FAT3: variants seen among roughly 807,000 people sequenced by gnomAD.
The protein encoded by FAT3 is FAT atypical cadherin 3.
FAT3 carries 95 observed loss-of-function variants against 310.2 expected under a neutral mutation model. The ratio of observed to expected loss-of-function variants is 0.31; its 90% confidence interval spans 0.26 to 0.36. FAT3 has a LOEUF of 0.36. Among genes scored for constraint, FAT3 ranks in the 10% least tolerant of loss-of-function variants. FAT3 has a pLI of 1.00. For missense variants in FAT3, 5,408 were observed against 5,715.6 expected (o/e 0.95, Z 1.74); for synonymous variants, 2,314 against 2,192.9 (o/e 1.06, Z -1.54).
At chr11:92,841,875 T>C (rs908889348) in intron 18 of FAT3, among the ~76,000 whole-genome samples, 3 of 152,210 alleles carry the variant, frequency 2.0e-5, no homozygotes, top group Non-Finnish European at 2.9e-5. Context: ...AGGAGCCTCC[T>C]GGGTGCTTCC....
intron 3 of FAT3, among the ~76,000 whole-genome samples, chr11:92,626,882 A>C (rs985134253): frequency 1.3e-5 from 2 of 152,072 alleles, no homozygotes; most frequent in African/African-American, 4.8e-5. Flanking sequence ...CTATGGAGGG[A>C]GCCCCCATCA....
Position 92,844,332 on chromosome 11 carries a change from T to C in FAT3, c.10965T>C (p.Asn3655=), listed in dbSNP as rs371264609. The change falls in exon 19 of 28, where the codon AAT becomes AAC. Residue 3655 remains asparagine (N), a synonymous_variant. Coordinates refer to ENST00000525166, the MANE Select transcript of FAT3 (RefSeq NM_001367949.2). ...ACACTGTCACCATCCGCTTTGAAAA[T>C]GTGTCCCCTGAGGACTTCGTGGGGC... The part of the protein sequence containing the change: ...LQNTVTIRFE[N]VSPEDFVGLH... 1.8e-5 allele frequency: 29 copies of C among 1,613,896 alleles called. No homozygotes were observed. The African/African-American group carries it at 3.6e-4, about 20-fold the overall frequency.
At chr11:92,292,451 T>C (rs1438750142) in intron 1 of FAT3, among the ~76,000 whole-genome samples, 1 of 152,058 alleles carries the variant, frequency 6.6e-6, no homozygotes, top group Non-Finnish European at 1.5e-5. Context: ...ACAGCTGCTT[T>C]TGTTTGTGAG....
rs540982346 is a variant in FAT3 at position 92,352,331 on chromosome 11, A to C, written c.219A>C (p.Ile73=). Residue 73 remains isoleucine, a synonymous_variant, in exon 2 of 28, where the codon ATA becomes ATC. Transcript: ENST00000525166. ...NSQSRMGITL[I]DLSWDIKYRI... ...AGAGTAGAATGGGCATCACCTTAATAGATCTATCCTGGGATATCAAATACA... is the reference window on the plus strand; with the variant it reads ...AGAGTAGAATGGGCATCACCTTAATCGATCTATCCTGGGATATCAAATACA... 1.3e-6 allele frequency: 2 copies of C among 1,568,022 alleles called. No individual in the cohort carries two copies. The highest frequency in any genetic ancestry group is 3.4e-5 in the Admixed American group (2 of 58,594).
chr11:92,820,074 A>G (rs1323973038), intron 13 of FAT3, among the ~76,000 whole-genome samples: 3 of 152,194 alleles, frequency 2.0e-5, no homozygotes, highest in African/African-American at 4.8e-5. Context: ...ATTAGGTTAT[A>G]AGAAGACTGT....
intron 1 of FAT3, among the ~76,000 whole-genome samples, chr11:92,337,735 G>T (rs1177115391): frequency 6.6e-6 from 1 of 152,222 alleles, no homozygotes; most frequent in African/African-American, 2.4e-5. Flanking sequence ...TTGACGGAAA[G>T]TAGTTCTTGA....
intron 4 of FAT3, among the ~76,000 whole-genome samples, chr11:92,730,395 G>A (rs1221401988): frequency 6.6e-6 from 1 of 152,120 alleles, no homozygotes. Context: ...TTTAGAGTTT[G>A]CAATTAGTTT....
At chr11:92,650,468 AAGTACAC>A (rs1591564514) in intron 3 of FAT3, among the ~76,000 whole-genome samples, 3 of 152,116 alleles carry the variant, frequency 2.0e-5, no homozygotes, top group African/African-American at 7.2e-5. Context: ...ATTATTTTTC[AAGTACAC>A]AGGGAGTAGT....
At chr11:92,888,427 G>A (rs2136434820) in intron 25 of FAT3, among the ~76,000 whole-genome samples, 1 of 152,270 alleles carries the variant, frequency 6.6e-6, no homozygotes, top group Admixed American at 6.5e-5. Flanking sequence ...GTTCTCATGG[G>A]CTCTGCTGTG....
Position 92,840,831 on chromosome 11 carries a change from T to C in FAT3, c.10566+72T>C, listed in dbSNP as rs1591802076. ...GCTTGTTTCTGTCCCCTTTGGTGGA[T>C]TTTTTTCTTTGCTGAGTAAGTCAAC... is the stretch of plus-strand genomic sequence containing the variant. On this transcript the variant is annotated intron_variant, in intron 18 of 27. Transcript: ENST00000525166. 3 of 1,379,704 alleles carry C rather than the reference T, an allele frequency of 2.2e-6. No homozygotes were observed. In the East Asian group the frequency reaches 7.1e-5, roughly 33 times the overall value. 85.5% of individuals were successfully genotyped at this position (1,379,704 alleles called of 1,614,324 possible).
chr11:92,242,665 G>A (rs1457192105), intron 1 of FAT3, among the ~76,000 whole-genome samples: 8 of 152,150 alleles, frequency 5.3e-5, no homozygotes, highest in East Asian at 3.9e-4. Context: ...TGATATTGCT[G>A]TAGTTCATGT....
At chr11:92,440,205 T>C (rs552389058) in intron 2 of FAT3, among the ~76,000 whole-genome samples, 9 of 152,156 alleles carry the variant, frequency 5.9e-5, no homozygotes, top group Admixed American at 1.3e-4. Flanking sequence ...GAGGCAAGGA[T>C]TGGGTGCAAT....
intron 1 of FAT3, among the ~76,000 whole-genome samples, chr11:92,283,465 A>G (rs1432181646): frequency 2.0e-5 from 3 of 152,132 alleles, no homozygotes; most frequent in African/African-American, 7.2e-5. Context: ...AACACCTCCT[A>G]GATTCTCTGC....
chr11:92,737,290 A>G (rs1945379660), intron 4 of FAT3, among the ~76,000 whole-genome samples: 2 of 152,112 alleles, frequency 1.3e-5, no homozygotes, highest in Non-Finnish European at 2.9e-5. Context: ...TCTGATTTCC[A>G]TTCATCTGAG....
intron 14 of FAT3, among the ~76,000 whole-genome samples, 166 bp from the exon 15 acceptor site, chr11:92,834,704 C>G (rs1379079281): frequency 6.6e-6 from 1 of 152,188 alleles, no homozygotes; most frequent in Non-Finnish European, 1.5e-5. Flanking sequence ...TCACTGACAG[C>G]ATTAATCAGA....
At chr11:92,763,083 CG>C (rs1946202381) in intron 5 of FAT3, among the ~76,000 whole-genome samples, 1 of 151,658 alleles carries the variant, frequency 6.6e-6, no homozygotes, top group African/African-American at 2.4e-5. Flanking sequence ...CGCTTGAACC[CG>C]GGAGGCAGAG....
In FAT3 at chr11:92,225,005, G is replaced by C. The variant is rs1189741388; in HGVS notation, c.-187G>C. On this transcript the variant is annotated 5_prime_UTR_variant, in exon 1 of 28. Transcript: ENST00000525166. ...CCGGCGGCGGCGGCGGCGGCGTCCC[G>C]AGCGCAGAGCGCTTCTGCTCGCGGC... is the stretch of plus-strand genomic sequence containing the variant. Among the ~76,000 whole-genome samples, 4 of 152,162 alleles carry C rather than the reference G, an allele frequency of 2.6e-5. No individual in the cohort carries two copies. In the South Asian group the frequency reaches 8.3e-4, roughly 32 times the overall value.
At position 92,354,128 on chromosome 11, in the gene FAT3, A is replaced by G. The variant is rs1371570061; in HGVS notation, c.2016A>G (p.Leu672=). ...CCATGTCTATTAACATTTCAGTCCT[A>G]CATGGGAAAGTGTCTTCAAAGAGCT... is the stretch of plus-strand genomic sequence containing the variant. ...ADPMSINISV[L]HGKVSSKSFS... The change falls in exon 2 of 28, where the codon CTA becomes CTG. Residue 672 remains leucine (L), a synonymous_variant. Transcript: ENST00000525166. The G allele has an allele frequency of 6.2e-7, 1 of 1,613,892 alleles. No individual in the cohort carries two copies. The highest frequency in any genetic ancestry group is 1.3e-5 in the African/African-American group (1 of 75,056).
intron 4 of FAT3, among the ~76,000 whole-genome samples, chr11:92,706,514 G>T (rs1053778110): frequency 6.6e-6 from 1 of 151,896 alleles, no homozygotes; most frequent in Non-Finnish European, 1.5e-5. Flanking sequence ...AGTATCAGCA[G>T]GAAGTCTTAA....
Sources: gnomAD v4.1 joint callset for allele counts (sites outside exome capture counted in the v4.1 genomes callset) on GRCh38, gnomAD v4.1.1 for gene constraint, MANE v1.5 for transcripts, NCBI Gene and HGNC (gene_info 2026-07-23, HGNC 2026-07-21) for gene names.